ZNF385B: variants seen among roughly 807,000 people sequenced by gnomAD.
The protein encoded by ZNF385B is zinc finger protein 385B, also known as zinc finger protein 533.
In ZNF385B, 23 loss-of-function variants were observed where a neutral mutation model predicts 39.2. That is an observed-to-expected ratio of 0.59 (90% CI 0.42 to 0.83). The LOEUF (loss-of-function observed/expected upper bound fraction) is 0.83. Among genes scored for constraint, ZNF385B ranks in the 40% least tolerant of loss-of-function variants. The pLI is 0.00. For synonymous variants in ZNF385B, 205 were observed against 222.6 expected (o/e 0.92, Z 0.70); for missense variants, 552 against 598.9 (o/e 0.92, Z 0.82).
intron 5 of ZNF385B, among the ~76,000 whole-genome samples, chr2:179,493,797 A>ATGTG: frequency 2.7e-5 from 3 of 110,858 alleles, no homozygotes; most frequent in Non-Finnish European, 6.1e-5. Context: ...ATGTATACAT[A>ATGTG]TATGTATATA....
At chr2:179,848,026 AC>A (rs1266245463) in intron 1 of ZNF385B, among the ~76,000 whole-genome samples, 1 of 152,182 alleles carries the variant, frequency 6.6e-6, no homozygotes, top group Non-Finnish European at 1.5e-5. Context: ...GTCTAGCATA[AC>A]AAGAGGCAAG....
chr2:179,857,517 C>T (rs1001494398), intron 1 of ZNF385B, among the ~76,000 whole-genome samples: 12 of 152,242 alleles, frequency 7.9e-5, no homozygotes, highest in African/African-American at 2.6e-4. Flanking sequence ...TGAGAGGGCC[C>T]TTCCTAGCAG....
At chr2:179,476,903 T>C (rs1208267669) in intron 6 of ZNF385B, among the ~76,000 whole-genome samples, 1 of 152,232 alleles carries the variant, frequency 6.6e-6, no homozygotes, top group Non-Finnish European at 1.5e-5. Context: ...TAATCTATTA[T>C]TTTATGAAGG....
intron 1 of ZNF385B, among the ~76,000 whole-genome samples, chr2:179,778,731 TA>T (rs1341310590): frequency 6.6e-6 from 1 of 152,214 alleles, no homozygotes; most frequent in African/African-American, 2.4e-5. Flanking sequence ...CATTTTTATT[TA>T]TTATAAAAAT....
chr2:179,547,800 T>C (rs1016446037), intron 3 of ZNF385B, among the ~76,000 whole-genome samples: 1 of 149,556 alleles, frequency 6.7e-6, no homozygotes, highest in Admixed American at 6.6e-5. Context: ...ATCTGTAGAT[T>C]GCTTTGGGTA....
intron 1 of ZNF385B, among the ~76,000 whole-genome samples, chr2:179,775,726 T>C (rs1040415683): frequency 6.6e-6 from 1 of 152,178 alleles, no homozygotes; most frequent in African/African-American, 2.4e-5. Flanking sequence ...GGAAAAAGCA[T>C]CTTAGAGGAT....
At chr2:179,646,020 C>G (rs1439196509) in intron 3 of ZNF385B, among the ~76,000 whole-genome samples, 2 of 152,214 alleles carry the variant, frequency 1.3e-5, no homozygotes, top group Admixed American at 1.3e-4. Flanking sequence ...CTCAAGCCAG[C>G]TTCTTCCCCC....
intron 3 of ZNF385B, among the ~76,000 whole-genome samples, chr2:179,648,398 T>C (rs1238071768): frequency 6.6e-6 from 1 of 152,176 alleles, no homozygotes. Context: ...GTATACTCTG[T>C]GGTGTCAGAT....
intron 3 of ZNF385B, among the ~76,000 whole-genome samples, chr2:179,687,467 G>A (rs1167981782): frequency 6.6e-6 from 1 of 152,008 alleles, no homozygotes; most frequent in Non-Finnish European, 1.5e-5. Context: ...TAACTGGCTT[G>A]CATTACTTCA....
At chr2:179,696,615 C>T (rs1191908241) in intron 3 of ZNF385B, among the ~76,000 whole-genome samples, 3 of 152,044 alleles carry the variant, frequency 2.0e-5, no homozygotes, top group Non-Finnish European at 4.4e-5. Context: ...ACTTTTAATA[C>T]ACCTATGAGC....
At chr2:179,564,202 T>C (rs1244341349) in intron 3 of ZNF385B, among the ~76,000 whole-genome samples, 4 of 152,106 alleles carry the variant, frequency 2.6e-5, no homozygotes, top group African/African-American at 9.7e-5. Context: ...CTACATGACC[T>C]GAAACATGCT....
At chr2:179,803,903 G>A (rs949268867) in intron 1 of ZNF385B, among the ~76,000 whole-genome samples, 1 of 152,116 alleles carries the variant, frequency 6.6e-6, no homozygotes, top group Non-Finnish European at 1.5e-5. Flanking sequence ...TTATAATCCT[G>A]TATCTGGAAA....
intron 6 of ZNF385B, among the ~76,000 whole-genome samples, chr2:179,462,430 T>C (rs143812878): frequency 8.5e-5 from 13 of 152,342 alleles, no homozygotes; most frequent in Admixed American, 3.9e-4. Flanking sequence ...CCTGTATGTA[T>C]GTAAACTGGT....
intron 3 of ZNF385B, among the ~76,000 whole-genome samples, chr2:179,725,756 T>C (rs1700966375): frequency 6.6e-6 from 1 of 151,336 alleles, no homozygotes; most frequent in Admixed American, 6.6e-5. Context: ...TAGCAATGAC[T>C]ATGTTCCAAC....
At chr2:179,565,174 T>C (rs1251726978) in intron 3 of ZNF385B, among the ~76,000 whole-genome samples, 1 of 152,132 alleles carries the variant, frequency 6.6e-6, no homozygotes, top group East Asian at 1.9e-4. Context: ...CTCAAACATC[T>C]CCTGTGGCTT....
At chr2:179,474,076 T>C (rs994385677) in intron 6 of ZNF385B, among the ~76,000 whole-genome samples, 2 of 151,802 alleles carry the variant, frequency 1.3e-5, no homozygotes, top group African/African-American at 2.4e-5. Context: ...TTCATTAATA[T>C]AGCTTTATAT....
chr2:179,724,111 C>G (rs1700858013), intron 3 of ZNF385B, among the ~76,000 whole-genome samples: 1 of 152,050 alleles, frequency 6.6e-6, no homozygotes, highest in Non-Finnish European at 1.5e-5. Context: ...GAGTTCAAGA[C>G]CAGCCTGATC....
chr2:179,629,437 C>T (rs975294794), intron 3 of ZNF385B, among the ~76,000 whole-genome samples: 1 of 151,542 alleles, frequency 6.6e-6, no homozygotes, highest in Non-Finnish European at 1.5e-5. Context: ...TAAAAAACTA[C>T]ACTGTATGCA....
At chr2:179,524,952 C>T (rs1049475300) in intron 4 of ZNF385B, among the ~76,000 whole-genome samples, 3 of 152,078 alleles carry the variant, frequency 2.0e-5, no homozygotes, top group African/African-American at 4.8e-5. Context: ...CTTTGATTTA[C>T]TGAGGTTTGC....
Sources: gnomAD v4.1 joint callset for allele counts (sites outside exome capture counted in the v4.1 genomes callset) on GRCh38, gnomAD v4.1.1 for gene constraint, MANE v1.5 for transcripts, NCBI Gene and HGNC (gene_info 2026-07-23, HGNC 2026-07-21) for gene names.